FAM81A: variants seen among roughly 807,000 people sequenced by gnomAD.
The protein encoded by FAM81A is protein FAM81A.
Under a neutral mutation model 46.7 loss-of-function variants are expected in FAM81A, and 19 were observed. The ratio of observed to expected loss-of-function variants is 0.41; its 90% CI spans 0.28 to 0.60. The LOEUF is 0.60. FAM81A is among the 20% of genes least tolerant of loss of function. The pLI is 0.34. For missense variants in FAM81A, 377 were observed against 453.5 expected (o/e 0.83, Z 1.53); for synonymous variants, 183 against 152.9 (o/e 1.20, Z -1.45).
chr15:59,506,987 A>C (rs2082155931), intron 4 of FAM81A, among the ~76,000 whole-genome samples: 1 of 152,050 alleles, frequency 6.6e-6, no homozygotes, highest in African/African-American at 2.4e-5. Context: ...GAAAGACTTT[A>C]TTTCTTTGGT....
chr15:59,435,750 A>T (rs1596469055), upstream of FAM81A, among the ~76,000 whole-genome samples: 1 of 152,208 alleles, frequency 6.6e-6, no homozygotes. Flanking sequence ...CTCTTTGATA[A>T]TTTTTTTGGT....
intron 1 of FAM81A, among the ~76,000 whole-genome samples, chr15:59,447,461 G>C (rs1183431166): frequency 6.6e-6 from 1 of 152,214 alleles, no homozygotes; most frequent in Admixed American, 6.5e-5. Context: ...ATTCTGGTCA[G>C]GGGTGGTGAG....
chr15:59,414,945 A>C (rs1338529836), intron 2 of FAM81A, among the ~76,000 whole-genome samples: 3 of 151,042 alleles, frequency 2.0e-5, no homozygotes, highest in African/African-American at 4.9e-5. Flanking sequence ...CCTCCCAAGT[A>C]GCTGGGACTA....
intron 4 of FAM81A, among the ~76,000 whole-genome samples, chr15:59,501,981 C>T (rs2082095643): frequency 6.6e-6 from 1 of 151,576 alleles, no homozygotes; most frequent in Non-Finnish European, 1.5e-5. Context: ...AGCAATATTC[C>T]TTTCCTTCTT....
At chr15:59,451,873 A>G (rs2081423438) in intron 1 of FAM81A, among the ~76,000 whole-genome samples, 1 of 152,232 alleles carries the variant, frequency 6.6e-6, no homozygotes, top group Non-Finnish European at 1.5e-5. Context: ...ATATTCAACA[A>G]TATGAAATTA....
chr15:59,500,340 C>G (rs2082078282), intron 4 of FAM81A, among the ~76,000 whole-genome samples: 1 of 152,144 alleles, frequency 6.6e-6, no homozygotes, highest in Non-Finnish European at 1.5e-5. Context: ...ACTCTTCACC[C>G]AGGCTAGAGT....
chr15:59,404,294 C>A (rs147892205), intron 2 of FAM81A, among the ~76,000 whole-genome samples: 7 of 152,220 alleles, frequency 4.6e-5, no homozygotes, highest in African/African-American at 1.4e-4. Context: ...GAAGATCCAT[C>A]AGGAAGAGAA....
intron 2 of FAM81A, among the ~76,000 whole-genome samples, chr15:59,416,028 T>A (rs1254156927): frequency 6.6e-6 from 1 of 152,188 alleles, no homozygotes; most frequent in African/African-American, 2.4e-5. Context: ...ACAAATCTGT[T>A]TATATGTTTA....
intron 4 of FAM81A, among the ~76,000 whole-genome samples, chr15:59,494,761 A>G (rs570489855): frequency 6.6e-6 from 1 of 152,298 alleles, no homozygotes; most frequent in East Asian, 1.9e-4. Flanking sequence ...AGGGGTATGA[A>G]CATTTTAAGT....
chr15:59,516,205 C>T (rs571236912), intron 7 of FAM81A, among the ~76,000 whole-genome samples: 13 of 151,002 alleles, frequency 8.6e-5, no homozygotes, highest in African/African-American at 3.2e-4. Flanking sequence ...TGGCTCACTG[C>T]AACCTCGCCT....
intron 2 of FAM81A, among the ~76,000 whole-genome samples, chr15:59,428,903 T>G (rs1045236664): frequency 6.6e-6 from 1 of 152,176 alleles, no homozygotes; most frequent in Non-Finnish European, 1.5e-5. Context: ...AGTGCTGGGA[T>G]TACAGGCGTG....
At position 59,492,802 on chromosome 15, in the gene FAM81A, T is replaced by C. The variant is rs534147202; in HGVS notation, c.413+413T>C. On this transcript the variant is annotated intron_variant, in intron 4 of 8. Transcript: ENST00000288228. Reference sequence around the variant, plus strand: ...AAAGATTGGAAACTTAGAAAAAAGATCTTTCTTCTCAGTATGAAAAGTGCT... The same window carrying C: ...AAAGATTGGAAACTTAGAAAAAAGACCTTTCTTCTCAGTATGAAAAGTGCT... Among the ~76,000 whole-genome samples the C allele has an allele frequency of 2.4e-3, 361 of 152,312 alleles. 2 individuals carry two copies. The highest frequency in any genetic ancestry group is 8.5e-3 in the African/African-American group (354 of 41,564).
intron 2 of FAM81A, among the ~76,000 whole-genome samples, chr15:59,403,221 T>A (rs2081079850): frequency 6.6e-6 from 1 of 151,600 alleles, no homozygotes; most frequent in African/African-American, 2.4e-5. Context: ...TACCCCCCCA[T>A]CCCACACCCC....
chr15:59,486,926 A>G (rs947473854), intron 3 of FAM81A, among the ~76,000 whole-genome samples: 1 of 152,102 alleles, frequency 6.6e-6, no homozygotes, highest in Non-Finnish European at 1.5e-5. Context: ...TTAATGAGCA[A>G]TAAGAAATCA....
intron 1 of FAM81A, chr15:59,401,941 C>G: frequency 1.4e-6 from 1 of 735,896 alleles, no homozygotes; most frequent in Non-Finnish European, 2.5e-6. Context: ...CTCTTTTTCT[C>G]ATGGTAATCC....
At chr15:59,413,628 G>A in intron 2 of FAM81A, among the ~76,000 whole-genome samples, 1 of 152,240 alleles carries the variant, frequency 6.6e-6, no homozygotes, top group South Asian at 2.1e-4. Flanking sequence ...GCATGCAAGA[G>A]CTCTTGTTTT....
intron 2 of FAM81A, among the ~76,000 whole-genome samples, chr15:59,428,076 C>G (rs1290611952): frequency 6.6e-6 from 1 of 152,122 alleles, no homozygotes; most frequent in Non-Finnish European, 1.5e-5. Flanking sequence ...TTGTTATTGC[C>G]TTTTAGGATA....
chr15:59,414,400 TGC>T (rs2081136717), intron 2 of FAM81A, among the ~76,000 whole-genome samples: 1 of 152,118 alleles, frequency 6.6e-6, no homozygotes, highest in African/African-American at 2.4e-5. Flanking sequence ...ATGTACTGTG[TGC>T]ATGGGGCATC....
At chr15:59,443,441 C>G (rs1196394461) in intron 1 of FAM81A, among the ~76,000 whole-genome samples, 7 of 152,212 alleles carry the variant, frequency 4.6e-5, no homozygotes, top group Non-Finnish European at 8.8e-5. Context: ...GGATGTGTTA[C>G]ATTCCTTGTC....
Sources: allele counts gnomAD v4.1 joint callset (sites outside exome capture counted in the v4.1 genomes callset), GRCh38; gene constraint gnomAD v4.1.1; transcripts MANE v1.5; gene names NCBI Gene and HGNC (gene_info 2026-07-23, HGNC 2026-07-21).